Variants in TENM4 observed in about 807,000 individuals in gnomAD.
The protein encoded by TENM4 is teneurin transmembrane protein 4, also known as teneurin-4.
In TENM4, 82 loss-of-function variants were observed where a neutral mutation model predicts 243.3. That is an observed-to-expected ratio of 0.34 (90% CI 0.28 to 0.40). The LOEUF (loss-of-function observed/expected upper bound fraction) is 0.40. TENM4 is among the 10% of genes least tolerant of loss of function. The pLI is 1.00. For missense variants in TENM4, 3,138 were observed against 3,673.3 expected, an observed-to-expected ratio of 0.85 and a Z score of 3.77; for synonymous variants, 1,412 against 1,456.3, an observed-to-expected ratio of 0.97 and a Z score of 0.69.
At chr11:78,676,112 T>G (rs1858462052) in intron 30 of TENM4, 40 bp downstream of exon 30, 1 of 1,433,930 alleles carries the variant, frequency 7.0e-7, no homozygotes, top group Non-Finnish European at 9.2e-7. Flanking sequence ...TCCCCATTCT[T>G]TCCCCCCAGG....
intron 3 of TENM4, among the ~76,000 whole-genome samples, chr11:79,198,100 C>T (rs1016202801): frequency 6.6e-6 from 1 of 152,188 alleles, no homozygotes; most frequent in Non-Finnish European, 1.5e-5. Flanking sequence ...ACATTGTTTA[C>T]TCAACAAATA....
intron 1 of TENM4, among the ~76,000 whole-genome samples, chr11:79,349,769 C>A (rs1160054146): frequency 1.3e-5 from 2 of 152,162 alleles, no homozygotes; most frequent in African/African-American, 2.4e-5. Flanking sequence ...GAATGCAATC[C>A]AGGCAGAGAT....
intron 6 of TENM4, among the ~76,000 whole-genome samples, chr11:78,913,873 C>T (rs2136360847): frequency 6.6e-6 from 1 of 152,110 alleles, no homozygotes; most frequent in Non-Finnish European, 1.5e-5. Flanking sequence ...TCCCTGGCTT[C>T]CTTGGATGGT....
intron 2 of TENM4, among the ~76,000 whole-genome samples, chr11:79,294,320 G>A (rs1394440104): frequency 6.6e-6 from 1 of 152,086 alleles, no homozygotes; most frequent in African/African-American, 2.4e-5. Context: ...AAGAAATTGA[G>A]GCTGAAAGAA....
intron 1 of TENM4, among the ~76,000 whole-genome samples, chr11:79,417,960 T>C (rs1649577846): frequency 6.6e-6 from 1 of 152,220 alleles, no homozygotes; most frequent in African/African-American, 2.4e-5. Flanking sequence ...CACTCTTTAA[T>C]GGCACTCTTC....
chr11:79,053,296 C>T (rs1859849610), intron 6 of TENM4, among the ~76,000 whole-genome samples: 1 of 152,160 alleles, frequency 6.6e-6, no homozygotes, highest in Non-Finnish European at 1.5e-5. Flanking sequence ...ATTTAAACTG[C>T]TAGTAATTCA....
chr11:78,729,442 A>T lies in TENM4; in HGVS notation c.3340T>A (p.Tyr1114Asn). 6.2e-7 allele frequency: 1 copy of T among 1,603,440 alleles called. No homozygotes were observed. The highest frequency in any genetic ancestry group is 8.5e-7 in the Non-Finnish European group (1 of 1,174,530). Reference protein sequence around the residue: ...KWFAAAPDLSYYFIWDKTDVY... With the variant: ...KWFAAAPDLSNYFIWDKTDVY... The stretch of plus-strand genomic sequence containing the variant: ...TCTGTCTTGTCCCAAATGAAATAAT[A>T]GGACAGGTCTGGGGCTGCAGCGAAC... Residue 1114 changes from tyrosine to asparagine, a missense_variant, in exon 22 of 34, where the codon TAT (tyrosine) becomes AAT (asparagine). Around this residue, in one of 2 missense-constraint regions of TENM4, gnomAD observed 2,467 missense variants for 3,059.1 expected, o/e 0.81. Transcript: ENST00000278550.
intron 2 of TENM4, among the ~76,000 whole-genome samples, chr11:79,246,828 G>T (rs541199336): frequency 6.6e-6 from 1 of 151,826 alleles, no homozygotes; most frequent in African/African-American, 2.4e-5. Context: ...AAGAGGGAGA[G>T]GGTTGTTTCT....
At chr11:78,797,904 T>G (rs1462092337) in intron 15 of TENM4, among the ~76,000 whole-genome samples, 1 of 152,210 alleles carries the variant, frequency 6.6e-6, no homozygotes, top group Non-Finnish European at 1.5e-5. Flanking sequence ...TATACAGAAA[T>G]AGCCTAACTT....
intron 3 of TENM4, among the ~76,000 whole-genome samples, chr11:79,173,646 A>G (rs1863097587): frequency 6.6e-6 from 1 of 152,190 alleles, no homozygotes; most frequent in Admixed American, 6.5e-5. Context: ...AAGGGTTGCT[A>G]CTTATTGGGC....
At chr11:78,901,179 A>C (rs934366737) in intron 7 of TENM4, among the ~76,000 whole-genome samples, 1 of 152,072 alleles carries the variant, frequency 6.6e-6, no homozygotes, top group African/African-American at 2.4e-5. Context: ...AATATATATG[A>C]TATATATCAC....
At chr11:79,035,619 A>C (rs1859357572) in intron 6 of TENM4, among the ~76,000 whole-genome samples, 1 of 152,124 alleles carries the variant, frequency 6.6e-6, no homozygotes, top group African/African-American at 2.4e-5. Context: ...TGTTAACACA[A>C]AAACATATTC....
chr11:78,998,453 C>G (rs998333957), intron 6 of TENM4, among the ~76,000 whole-genome samples: 1 of 152,240 alleles, frequency 6.6e-6, no homozygotes, highest in Non-Finnish European at 1.5e-5. Context: ...CAAATCATCT[C>G]TTCTCAAAAG....
At chr11:78,999,952 T>G (rs999542084) in intron 6 of TENM4, among the ~76,000 whole-genome samples, 4 of 151,786 alleles carry the variant, frequency 2.6e-5, no homozygotes, top group Non-Finnish European at 5.9e-5. Flanking sequence ...TGAGAAGAGA[T>G]CCATACAGAG....
intron 23 of TENM4, among the ~76,000 whole-genome samples, chr11:78,723,571 A>T (rs1450547248): frequency 2.0e-5 from 3 of 152,228 alleles, no homozygotes; most frequent in East Asian, 3.8e-4. Context: ...AGATCTCTTT[A>T]CTGCTTTAAC....
intron 1 of TENM4, among the ~76,000 whole-genome samples, chr11:79,316,986 T>C (rs1238901631): frequency 6.6e-6 from 1 of 152,264 alleles, no homozygotes; most frequent in East Asian, 1.9e-4. Context: ...ATGGGAGTTA[T>C]TAACCTCTTG....
chr11:79,376,877 G>A (rs1857902860), intron 1 of TENM4, among the ~76,000 whole-genome samples: 1 of 152,170 alleles, frequency 6.6e-6, no homozygotes, highest in African/African-American at 2.4e-5. Flanking sequence ...TGCTGGTGTG[G>A]TCGGCTGAAT....
intron 6 of TENM4, among the ~76,000 whole-genome samples, chr11:79,060,197 G>A (rs12574183): frequency 0.066 from 10,025 of 152,264 alleles, 372 homozygotes; most frequent in East Asian, 0.091. Flanking sequence ...ACTGCCTCCC[G>A]ACCCCCAGCC....
intron 9 of TENM4, among the ~76,000 whole-genome samples, chr11:78,871,637 G>C (rs1270225256): frequency 6.6e-6 from 1 of 152,176 alleles, no homozygotes; most frequent in African/African-American, 2.4e-5. Context: ...AATCACAATA[G>C]AAAATCATGT....
Sources: gnomAD v4.1 joint callset for allele counts (sites outside exome capture counted in the v4.1 genomes callset) on GRCh38, gnomAD v4.1.1 for gene constraint, gnomAD v4.1.1 regional missense constraint, MANE v1.5 for transcripts, NCBI Gene and HGNC (gene_info 2026-07-23, HGNC 2026-07-21) for gene names.